The following ERBB4 variants were observed in gnomAD, a reference collection of about 807,000 sequenced individuals.
ERBB4 encodes the protein erb-b2 receptor tyrosine kinase 4.
A neutral mutation model predicts 158.0 loss-of-function variants in ERBB4; 42 were observed. That is an observed-to-expected ratio of 0.27 (90% CI 0.21 to 0.34). The LOEUF (loss-of-function observed/expected upper bound fraction) is 0.34. Ranked by LOEUF, ERBB4 falls within the 10% of genes least tolerant of loss-of-function variation. The pLI is 1.00. For synonymous variants in ERBB4, 583 were observed against 558.7 expected (o/e 1.04, Z -0.61); for missense variants, 1,333 against 1,624.1 (o/e 0.82, Z 3.08).
At chr2:212,012,521 T>C (rs1262051127) in intron 2 of ERBB4, among the ~76,000 whole-genome samples, 1 of 150,564 alleles carries the variant, frequency 6.6e-6, no homozygotes, top group Non-Finnish European at 1.5e-5. Context: ...GCTCAAGCAA[T>C]TCTCCGCCTC....
intron 2 of ERBB4, among the ~76,000 whole-genome samples, chr2:212,006,567 T>C (rs1408472392): frequency 6.6e-6 from 1 of 151,970 alleles, no homozygotes; most frequent in Non-Finnish European, 1.5e-5. Flanking sequence ...ATTTTGAAAA[T>C]GGCATCGAGT....
At position 211,377,629 on chromosome 2, in the gene ERBB4, C is replaced by T. The variant is rs1449718202; in HGVS notation, c.*5986G>A. The stretch of plus-strand genomic sequence containing the variant: ...CCTTTACCTTTATGATAATAAGACT[C>T]CTCATTTGGGAGAAAAAAATTTACA... On this transcript the variant is annotated 3_prime_UTR_variant, in exon 28 of 28. Coordinates refer to ENST00000342788, the MANE Select transcript of ERBB4 (RefSeq NM_005235.3). 1 of 232,282 alleles carries T rather than the reference C, an allele frequency of 4.3e-6. No homozygotes were observed. The highest frequency in any genetic ancestry group is 8.5e-6 in the Non-Finnish European group (1 of 117,584). 14.4% of individuals were successfully genotyped at this position (232,282 alleles called of 1,614,324 possible).
chr2:211,670,814 A>G (rs2071809126), intron 14 of ERBB4, among the ~76,000 whole-genome samples: 1 of 152,184 alleles, frequency 6.6e-6, no homozygotes, highest in South Asian at 2.1e-4. Context: ...TCATTAATAT[A>G]AATATGATCC....
At chr2:211,507,567 G>A (rs114363543) in intron 20 of ERBB4, among the ~76,000 whole-genome samples, 1 of 152,074 alleles carries the variant, frequency 6.6e-6, no homozygotes, top group Non-Finnish European at 1.5e-5. Context: ...CAGTTAAACA[G>A]AATAGAGAAC....
intron 16 of ERBB4, among the ~76,000 whole-genome samples, chr2:211,642,840 A>G (rs969164866): frequency 6.6e-6 from 1 of 152,168 alleles, no homozygotes; most frequent in Non-Finnish European, 1.5e-5. Flanking sequence ...TAAACTTAAC[A>G]AAAGCATAAT....
At chr2:212,018,859 G>C (rs1434346667) in intron 2 of ERBB4, among the ~76,000 whole-genome samples, 1 of 152,068 alleles carries the variant, frequency 6.6e-6, no homozygotes, top group African/African-American at 2.4e-5. Flanking sequence ...TCTGGGGATA[G>C]TTAAATAAAA....
chr2:212,502,782 G>GT (rs1690964582), intron 1 of ERBB4, among the ~76,000 whole-genome samples: 1 of 151,946 alleles, frequency 6.6e-6, no homozygotes, highest in East Asian at 1.9e-4. Flanking sequence ...CTTTTTCATT[G>GT]TTTTTTTGAG....
intron 5 of ERBB4, among the ~76,000 whole-genome samples, chr2:211,737,567 T>C (rs1165921196): frequency 6.6e-6 from 1 of 152,182 alleles, no homozygotes; most frequent in Non-Finnish European, 1.5e-5. Flanking sequence ...TAATAGCTAA[T>C]TTTCACTTTA....
chr2:212,494,316 A>G (rs1043957947), intron 1 of ERBB4, among the ~76,000 whole-genome samples: 1 of 152,028 alleles, frequency 6.6e-6, no homozygotes, highest in Non-Finnish European at 1.5e-5. Flanking sequence ...TTGAGTGCTT[A>G]TATTAAAAAG....
intron 20 of ERBB4, among the ~76,000 whole-genome samples, chr2:211,521,889 C>G (rs2066195505): frequency 6.6e-6 from 1 of 152,118 alleles, no homozygotes; most frequent in Non-Finnish European, 1.5e-5. Context: ...ATAGTTTAAG[C>G]CCACTGTTAA....
intron 12 of ERBB4, among the ~76,000 whole-genome samples, chr2:211,694,054 T>C (rs1163394506): frequency 6.6e-6 from 1 of 152,192 alleles, no homozygotes; most frequent in Non-Finnish European, 1.5e-5. Flanking sequence ...CACTAGTCAT[T>C]TGATGAAGGA....
intron 20 of ERBB4, among the ~76,000 whole-genome samples, chr2:211,464,983 T>G (rs1234242953): frequency 5.0e-5 from 1 of 20,082 alleles, no homozygotes; most frequent in Non-Finnish European, 2.8e-4. Context: ...TTTTTTTTTC[T>G]TTTTTTTTTT....
intron 2 of ERBB4, among the ~76,000 whole-genome samples, chr2:212,092,696 GCTTT>G (rs2078815259): frequency 6.6e-6 from 1 of 152,076 alleles, no homozygotes; most frequent in Non-Finnish European, 1.5e-5. Flanking sequence ...GTTGAATGAT[GCTTT>G]CTTAGTGGAA....
chr2:211,923,590 T>TGAAAAGGTTCAAGTAGAGGG (rs2079932033), intron 3 of ERBB4, among the ~76,000 whole-genome samples: 3 of 151,938 alleles, frequency 2.0e-5, no homozygotes, highest in Admixed American at 6.6e-5. Context: ...GTGCAGAAAA[T>TGAAAAGGTTCAAGTAGAGGG]GAAAAGGTTC....
At chr2:211,739,998 T>A (rs966856095) in intron 5 of ERBB4, among the ~76,000 whole-genome samples, 8 of 152,212 alleles carry the variant, frequency 5.3e-5, no homozygotes, top group Admixed American at 2.6e-4. Flanking sequence ...CAACTAGTTG[T>A]TAACATCAGA....
intron 1 of ERBB4, among the ~76,000 whole-genome samples, chr2:212,467,353 A>G (rs1688890578): frequency 1.3e-5 from 2 of 152,318 alleles, no homozygotes; most frequent in East Asian, 3.9e-4. Context: ...CAGAGGCTTG[A>G]GAGGAAAAAG....
At chr2:211,594,681 A>G (rs1411279300) in intron 19 of ERBB4, among the ~76,000 whole-genome samples, 1 of 152,228 alleles carries the variant, frequency 6.6e-6, no homozygotes, top group African/African-American at 2.4e-5. Context: ...TAGGAACTAG[A>G]GTAGTAACCA....
At chr2:212,459,228 C>A (rs539793208) in intron 1 of ERBB4, among the ~76,000 whole-genome samples, 1 of 151,888 alleles carries the variant, frequency 6.6e-6, no homozygotes, top group Admixed American at 6.6e-5. Flanking sequence ...ATTAGATGTA[C>A]ACAGAATATT....
intron 20 of ERBB4, among the ~76,000 whole-genome samples, chr2:211,540,417 C>T (rs1360840887): frequency 6.6e-6 from 1 of 151,824 alleles, no homozygotes; most frequent in East Asian, 1.9e-4. Context: ...TTTTAAGTTC[C>T]ATGAAAGCAT....
Sources: allele counts gnomAD v4.1 joint callset (sites outside exome capture counted in the v4.1 genomes callset), GRCh38; gene constraint gnomAD v4.1.1; transcripts MANE v1.5; gene names NCBI Gene and HGNC (gene_info 2026-07-23, HGNC 2026-07-21).